The following PIK3C2B variants were observed in gnomAD, a reference collection of about 807,000 sequenced individuals.
The protein encoded by PIK3C2B is phosphatidylinositol-4-phosphate 3-kinase catalytic subunit type 2 beta, also known as phosphatidylinositol 4-phosphate 3-kinase C2 domain-containing subunit beta.
A neutral mutation model predicts 184.3 loss-of-function variants in PIK3C2B; 83 were observed. That is an observed-to-expected ratio of 0.45 (90% CI 0.38 to 0.54). The LOEUF is 0.54. Ranked by LOEUF, PIK3C2B falls within the 20% of genes least tolerant of loss-of-function variation. The pLI is 0.00. For synonymous variants in PIK3C2B, 779 were observed against 837.6 expected, an observed-to-expected ratio of 0.93 and a Z score of 1.21; for missense variants, 1,736 against 2,113.5, an observed-to-expected ratio of 0.82 and a Z score of 3.50.
chr1:204,438,079 A>G (rs1675450126), intron 23 of PIK3C2B, among the ~76,000 whole-genome samples: 1 of 152,242 alleles, frequency 6.6e-6, no homozygotes, highest in South Asian at 2.1e-4. Flanking sequence ...CACATTCACT[A>G]AACAATGTTC....
rs1202386685 is a variant in PIK3C2B, at chr1:204,464,490, C to T, written c.1149G>A (p.Leu383=). 6.2e-6 allele frequency: 10 copies of T among 1,614,038 alleles called. No individual in the cohort carries two copies. In the Admixed American group the frequency reaches 1.7e-4, roughly 27 times the overall value. ...TGAGTGCCTCTTGAAGCCTGTCACA[C>T]AACACAGTCACCTTCAGGTTGACCT... ...GDEVNLKVTV[L]CDRLQEALTF... is the part of the protein sequence containing the mutation. Residue 383 remains leucine (L), a synonymous_variant, in exon 4 of 33, where the codon TTG becomes TTA. Transcript: ENST00000684373.
intron 2 of PIK3C2B, among the ~76,000 whole-genome samples, chr1:204,466,255 G>A (rs570118017): frequency 1.3e-5 from 2 of 152,342 alleles, no homozygotes; most frequent in Admixed American, 6.5e-5. Context: ...CTCAGATGGA[G>A]ATAAGGCCGG....
intron 1 of PIK3C2B, among the ~76,000 whole-genome samples, chr1:204,475,893 T>C (rs1656668937): frequency 6.6e-6 from 1 of 152,012 alleles, no homozygotes; most frequent in Non-Finnish European, 1.5e-5. Flanking sequence ...AGCCCACCCC[T>C]CTGACAGATC....
At chr1:204,464,283 G>A (rs1352760702) in intron 4 of PIK3C2B, 151 bp from the exon 5 acceptor site, 6 of 1,148,344 alleles carry the variant, frequency 5.2e-6, no homozygotes, top group Non-Finnish European at 7.5e-6. Context: ...GTTGAGGAAA[G>A]TGACTGTACT....
At chr1:204,450,153 G>T in intron 12 of PIK3C2B, 136 bp from the exon 13 acceptor site, 1 of 694,406 alleles carries the variant, frequency 1.4e-6, no homozygotes, top group Non-Finnish European at 2.3e-6. Flanking sequence ...CCCTGAGGAA[G>T]CCCTCCTCCT....
At chr1:204,485,087 C>A (rs1429890260) in intron 1 of PIK3C2B, among the ~76,000 whole-genome samples, 1 of 151,272 alleles carries the variant, frequency 6.6e-6, no homozygotes, top group Non-Finnish European at 1.5e-5. Flanking sequence ...CTCACTCTGC[C>A]ATCCAGGTTG....
intron 1 of PIK3C2B, among the ~76,000 whole-genome samples, chr1:204,474,546 C>G (rs913604455): frequency 1.3e-5 from 2 of 152,166 alleles, no homozygotes; most frequent in African/African-American, 4.8e-5. Flanking sequence ...TTCCTTAAAC[C>G]CTCTCCCGCT....
intron 12 of PIK3C2B, among the ~76,000 whole-genome samples, chr1:204,453,615 C>G (rs1013570223): frequency 1.3e-5 from 2 of 152,150 alleles, no homozygotes; most frequent in African/African-American, 4.8e-5. Context: ...CTAGACAACC[C>G]TCCCTTCTCT....
rs574609699 is a variant in PIK3C2B at position 204,446,157 on chromosome 1, C to G, written c.2490-13G>C. ...AGCATCAGTGAGCCTGGTGGGCACA[C>G]GGAAAGGAGAAGGTGGTGGGAGGGT... On this transcript the variant is annotated splice_polypyrimidine_tract_variant and intron_variant, in intron 15 of 32. Transcript: ENST00000684373. The G allele has an allele frequency of 6.5e-7, 1 of 1,527,136 alleles. No homozygotes were observed. The highest frequency in any genetic ancestry group is 1.4e-5 in the African/African-American group (1 of 72,880). The allele number at this position is 1,527,136 out of a possible 1,614,324, so 94.6% of individuals were successfully genotyped here. A position where few individuals can be genotyped will look rare whatever the true frequency, so the allele number is the denominator to read the frequency against.
At chr1:204,478,575 T>G (rs1377508334) in intron 1 of PIK3C2B, among the ~76,000 whole-genome samples, 2 of 152,256 alleles carry the variant, frequency 1.3e-5, no homozygotes, top group African/African-American at 2.4e-5. Context: ...TTCTCTAGTG[T>G]GCGTGCCCTC....
intron 1 of PIK3C2B, among the ~76,000 whole-genome samples, chr1:204,483,539 C>T (rs115824913): frequency 3.3e-3 from 505 of 152,232 alleles, no homozygotes; most frequent in Non-Finnish European, 4.7e-3. Flanking sequence ...ACAAGAGCAA[C>T]GCTTTTGCTT....
chr1:204,448,199 T>C (rs1206426966), intron 14 of PIK3C2B, among the ~76,000 whole-genome samples: 1 of 151,676 alleles, frequency 6.6e-6, no homozygotes, highest in African/African-American at 2.4e-5. Context: ...GTGCAACCTC[T>C]GCCTCCCCGG....
intron 1 of PIK3C2B, among the ~76,000 whole-genome samples, chr1:204,480,310 G>A (rs1657021129): frequency 6.6e-6 from 1 of 152,194 alleles, no homozygotes; most frequent in East Asian, 1.9e-4. Context: ...ATGTCCAAAA[G>A]GTTCTCTCTG....
chr1:204,458,035 C>T (rs1655016138), intron 8 of PIK3C2B, among the ~76,000 whole-genome samples, 161 bp from the exon 9 acceptor site: 1 of 152,246 alleles, frequency 6.6e-6, no homozygotes, highest in Non-Finnish European at 1.5e-5. Flanking sequence ...AAATATTCAT[C>T]ATCAGCAAAT....
intron 2 of PIK3C2B, chr1:204,466,949 G>A (rs576462983): frequency 2.3e-5 from 12 of 532,214 alleles, no homozygotes; most frequent in Middle Eastern, 3.2e-4. Context: ...AAAGCGGGGC[G>A]GTGGTATAGG....
intron 27 of PIK3C2B, 83 bp downstream of exon 27, chr1:204,432,117 G>T: frequency 2.4e-6 from 3 of 1,235,588 alleles, no homozygotes; most frequent in Non-Finnish European, 1.2e-6. Context: ...TGCCCACTGT[G>T]CAAGTGTGGA....
intron 28 of PIK3C2B, among the ~76,000 whole-genome samples, chr1:204,430,792 G>A (rs911088460): frequency 6.6e-6 from 1 of 151,706 alleles, no homozygotes; most frequent in African/African-American, 2.4e-5. Context: ...CTGAGTAGCT[G>A]GGATTATAAA....
At chr1:204,494,004 TAAAC>T (rs1298873681) in intron 1 of PIK3C2B, among the ~76,000 whole-genome samples, 4 of 152,206 alleles carry the variant, frequency 2.6e-5, no homozygotes, top group Non-Finnish European at 5.9e-5. Context: ...TTATCTTAAA[TAAAC>T]AAACCCCAAA....
At chr1:204,490,609 A>ATACTCTATG (rs1486867696) in intron 1 of PIK3C2B, among the ~76,000 whole-genome samples, 2 of 152,080 alleles carry the variant, frequency 1.3e-5, no homozygotes, top group African/African-American at 4.8e-5. Flanking sequence ...TCCAGTTTTG[A>ATACTCTATG]TACTCTATGT....
Sources: gnomAD v4.1 joint callset for allele counts (sites outside exome capture counted in the v4.1 genomes callset) on GRCh38, gnomAD v4.1.1 for gene constraint, MANE v1.5 for transcripts, NCBI Gene and HGNC (gene_info 2026-07-23, HGNC 2026-07-21) for gene names.